IMMP2L: variants seen among roughly 807,000 people sequenced by gnomAD.
IMMP2L encodes the protein mitochondrial inner membrane protease subunit 2.
A neutral mutation model predicts 19.3 loss-of-function variants in IMMP2L; 18 were observed. The observed-to-expected ratio is 0.93, with a 90% CI of 0.64 to 1.38. The LOEUF (loss-of-function observed/expected upper bound fraction) is 1.38. IMMP2L is among the 40% of genes most tolerant of loss of function. The pLI is 0.00. For synonymous variants in IMMP2L, 76 were observed against 73.0 expected, an observed-to-expected ratio of 1.04 and a Z score of -0.21; for missense variants, 233 against 218.2, an observed-to-expected ratio of 1.07 and a Z score of -0.43.
intron 3 of IMMP2L, among the ~76,000 whole-genome samples, chr7:111,473,662 A>G (rs1360220310): frequency 6.6e-6 from 1 of 152,168 alleles, no homozygotes; most frequent in African/African-American, 2.4e-5. Flanking sequence ...ATGACATTGC[A>G]TAAACATCTG....
intron 5 of IMMP2L, among the ~76,000 whole-genome samples, chr7:110,776,146 G>A (rs1799371107): frequency 6.6e-6 from 1 of 151,950 alleles, no homozygotes; most frequent in Admixed American, 6.6e-5. Flanking sequence ...GATGTTTAAT[G>A]AACACCAAAG....
chr7:111,012,632 C>T (rs566000902), intron 3 of IMMP2L, among the ~76,000 whole-genome samples: 10 of 152,056 alleles, frequency 6.6e-5, no homozygotes, highest in Non-Finnish European at 8.8e-5. Context: ...AGATTTAGAG[C>T]GACTATTTAT....
chr7:111,338,327 T>TC (rs989083256), intron 3 of IMMP2L, among the ~76,000 whole-genome samples: 83 of 151,620 alleles, frequency 5.5e-4, no homozygotes, highest in Non-Finnish European at 7.8e-4. Flanking sequence ...AGCACGTTCC[T>TC]CCCCCCCTTT....
intron 3 of IMMP2L, among the ~76,000 whole-genome samples, chr7:111,384,121 G>A (rs1467996330): frequency 3.3e-5 from 5 of 151,636 alleles, no homozygotes; most frequent in Non-Finnish European, 4.4e-5. Flanking sequence ...TCCAGCCCGC[G>A]TGGCAGAGTG....
At chr7:111,503,581 G>A (rs533467849) in intron 2 of IMMP2L, among the ~76,000 whole-genome samples, 72 of 152,114 alleles carry the variant, frequency 4.7e-4, no homozygotes, top group Middle Eastern at 3.4e-3. Context: ...ATAAAATACT[G>A]GCAAACCAAA....
At chr7:111,144,823 T>C (rs1803295714) in intron 3 of IMMP2L, among the ~76,000 whole-genome samples, 1 of 152,136 alleles carries the variant, frequency 6.6e-6, no homozygotes, top group Admixed American at 6.6e-5. Context: ...CAGGCCCTAA[T>C]GTTACTAACA....
intron 3 of IMMP2L, among the ~76,000 whole-genome samples, chr7:111,016,377 A>T (rs1825538971): frequency 7.0e-6 from 1 of 142,748 alleles, no homozygotes; most frequent in Admixed American, 7.3e-5. Context: ...TTATATTTTT[A>T]TATGATATAT....
chr7:110,939,436 C>T (rs906265194), intron 4 of IMMP2L, among the ~76,000 whole-genome samples: 2 of 144,366 alleles, frequency 1.4e-5, no homozygotes, highest in Non-Finnish European at 3.1e-5. Context: ...AAAGCGAGTA[C>T]ACAGGGAATA....
intron 3 of IMMP2L, among the ~76,000 whole-genome samples, chr7:111,476,238 C>T (rs961446823): frequency 3.9e-5 from 6 of 152,270 alleles, no homozygotes; most frequent in South Asian, 2.1e-4. Flanking sequence ...AGCCTAGACC[C>T]ATAGTCTTGC....
chr7:111,529,470 CT>C (rs1206649827), intron 1 of IMMP2L, among the ~76,000 whole-genome samples: 1 of 152,132 alleles, frequency 6.6e-6, no homozygotes, highest in Non-Finnish European at 1.5e-5. Context: ...ACTTAGTACT[CT>C]TTAGAACATG....
intron 3 of IMMP2L, among the ~76,000 whole-genome samples, chr7:111,263,203 G>A (rs1817506550): frequency 6.6e-6 from 1 of 152,052 alleles, no homozygotes; most frequent in South Asian, 2.1e-4. Context: ...AAGGTGCCAA[G>A]GACAGAAATA....
At chr7:110,735,846 C>CAAAAA (rs59078426) in intron 5 of IMMP2L, among the ~76,000 whole-genome samples, 811 of 47,404 alleles carry the variant, frequency 0.017, 32 homozygotes, top group East Asian at 0.078. Context: ...CACTCTGCCT[C>CAAAAA]AAAAAAAAAA....
At chr7:111,042,236 G>A (rs574098626) in intron 3 of IMMP2L, among the ~76,000 whole-genome samples, 242 of 152,270 alleles carry the variant, frequency 1.6e-3, no homozygotes, top group Middle Eastern at 3.4e-3. Flanking sequence ...CTGGAGTGCA[G>A]TGGCACAATC....
intron 2 of IMMP2L, among the ~76,000 whole-genome samples, chr7:111,507,285 T>G (rs755611503): frequency 2.6e-5 from 4 of 152,198 alleles, no homozygotes; most frequent in Non-Finnish European, 5.9e-5. Context: ...GCACCCTATA[T>G]TTCCTCTAAT....
intron 5 of IMMP2L, among the ~76,000 whole-genome samples, chr7:110,809,517 T>C (rs1801877964): frequency 6.6e-6 from 1 of 151,968 alleles, no homozygotes; most frequent in South Asian, 2.1e-4. Flanking sequence ...AATAAACATA[T>C]ATTGTATTAT....
At chr7:110,914,471 A>G (rs942890511) in intron 4 of IMMP2L, among the ~76,000 whole-genome samples, 5 of 152,120 alleles carry the variant, frequency 3.3e-5, no homozygotes, top group Non-Finnish European at 7.4e-5. Context: ...AGTGATGTGG[A>G]TGGTCTGCTG....
intron 5 of IMMP2L, among the ~76,000 whole-genome samples, chr7:110,699,000 C>A (rs1160427367): frequency 6.6e-6 from 1 of 152,096 alleles, no homozygotes; most frequent in Admixed American, 6.5e-5. Context: ...CAGCTGTCAG[C>A]GGAGTGTCAA....
At chr7:111,201,849 G>A (rs907455570) in intron 3 of IMMP2L, among the ~76,000 whole-genome samples, 10 of 152,124 alleles carry the variant, frequency 6.6e-5, no homozygotes, top group African/African-American at 2.4e-4. Flanking sequence ...CTTCCATCAT[G>A]TGGGAACACA....
intron 3 of IMMP2L, among the ~76,000 whole-genome samples, chr7:111,322,958 T>A (rs1309971061): frequency 6.6e-6 from 1 of 151,744 alleles, no homozygotes; most frequent in Non-Finnish European, 1.5e-5. Flanking sequence ...AATAAAATGG[T>A]GAATGCACCT....
Sources: gnomAD v4.1 joint callset for allele counts (sites outside exome capture counted in the v4.1 genomes callset) on GRCh38, gnomAD v4.1.1 for gene constraint, MANE v1.5 for transcripts, NCBI Gene and HGNC (gene_info 2026-07-23, HGNC 2026-07-21) for gene names.